The following CELF2 variants were observed in gnomAD, a reference collection of about 807,000 sequenced individuals.
The protein encoded by CELF2 is CUGBP Elav-like family member 2.
CELF2 carries 8 observed loss-of-function variants against 62.6 expected under a neutral mutation model. The ratio of observed to expected loss-of-function variants is 0.13; its 90% CI spans 0.07 to 0.23. The LOEUF (loss-of-function observed/expected upper bound fraction) is 0.23, where lower values mean the gene tolerates loss of function less well. Among genes scored for constraint, CELF2 ranks in the 10% least tolerant of loss-of-function variants. CELF2 has a pLI of 1.00. For synonymous variants in CELF2, 258 were observed against 250.0 expected, an observed-to-expected ratio of 1.03 and a Z score of -0.30; for missense variants, 333 against 671.0, an observed-to-expected ratio of 0.50 and a Z score of 5.56.
At chr10:10,760,062 G>A in the CELF2 span, among the ~76,000 whole-genome samples, 3 of 152,002 alleles carry the variant, frequency 2.0e-5, no homozygotes, top group East Asian at 1.9e-4. Flanking sequence ...GTGCCATCAC[G>A]CCTGGCTAAT....
chr10:10,949,384 G>A (rs747707076), intron 2 of CELF2, among the ~76,000 whole-genome samples: 55 of 152,258 alleles, frequency 3.6e-4, no homozygotes, highest in Non-Finnish European at 6.2e-4. Context: ...CGTCACCACT[G>A]TGGATAAGAG....
At chr10:10,862,715 C>T (rs2060117961) in intron 1 of CELF2, among the ~76,000 whole-genome samples, 1 of 152,186 alleles carries the variant, frequency 6.6e-6, no homozygotes, top group Admixed American at 6.5e-5. Context: ...TTAAAATCAA[C>T]ATACCATGTA....
At chr10:11,114,580 A>T (rs893328734) in intron 1 of CELF2, among the ~76,000 whole-genome samples, 1 of 152,252 alleles carries the variant, frequency 6.6e-6, no homozygotes, top group Non-Finnish European at 1.5e-5. Flanking sequence ...TGGAATATCA[A>T]TGCAGTCAAA....
At chr10:10,944,554 A>G (rs2047434412) in intron 2 of CELF2, among the ~76,000 whole-genome samples, 1 of 152,174 alleles carries the variant, frequency 6.6e-6, no homozygotes, top group Non-Finnish European at 1.5e-5. Context: ...GTCCCCTCAC[A>G]AGAATGGTAG....
intron 1 of CELF2, among the ~76,000 whole-genome samples, chr10:11,147,960 G>C (rs996752230): frequency 6.6e-6 from 1 of 152,222 alleles, no homozygotes; most frequent in Admixed American, 6.5e-5. Context: ...CTCTCCCTCA[G>C]ACGGCCACAG....
At chr10:11,190,589 G>A (rs2076056046) in intron 2 of CELF2, among the ~76,000 whole-genome samples, 2 of 151,216 alleles carry the variant, frequency 1.3e-5, no homozygotes, top group Non-Finnish European at 2.9e-5. Context: ...CTCCCAGTAG[G>A]AAAGATTCTC....
chr10:10,675,970 G>A, the CELF2 span, among the ~76,000 whole-genome samples: 80 of 152,246 alleles, frequency 5.3e-4, no homozygotes, highest in Admixed American at 3.7e-3. Context: ...AATGCTTGCT[G>A]TATCTCTTCA....
intron 1 of CELF2, among the ~76,000 whole-genome samples, chr10:11,127,115 G>T (rs1256752390): frequency 1.3e-5 from 2 of 151,980 alleles, no homozygotes; most frequent in African/African-American, 4.8e-5. Context: ...TCATTGTTCA[G>T]TTCCCACCTA....
intron 2 of CELF2, among the ~76,000 whole-genome samples, chr10:11,208,168 C>A (rs1376220077): frequency 6.6e-6 from 1 of 152,016 alleles, no homozygotes; most frequent in African/African-American, 2.4e-5. Flanking sequence ...CTGGTGTTTT[C>A]CCATCTGTAA....
intron 1 of CELF2, among the ~76,000 whole-genome samples, chr10:11,126,828 A>T (rs2058777809): frequency 6.6e-6 from 1 of 151,234 alleles, no homozygotes. Context: ...GCCCCTGGGG[A>T]TATAGTTGCT....
At chr10:10,474,795 T>C in the CELF2 span, among the ~76,000 whole-genome samples, 2 of 152,104 alleles carry the variant, frequency 1.3e-5, no homozygotes, top group Non-Finnish European at 2.9e-5. Flanking sequence ...GAAAGTAGAC[T>C]GTACTCTCTC....
chr10:11,335,520 G>T lies in CELF2; in HGVS notation c.*6467G>T, dbSNP rs1311619339. The T allele has an allele frequency of 2.0e-5, 3 of 152,274 alleles. No individual in the cohort carries two copies. The highest frequency in any genetic ancestry group is 6.5e-5 in the Admixed American group (1 of 15,284). 9.4% of individuals were successfully genotyped at this position (152,274 alleles called of 1,614,324 possible). On this transcript the variant is annotated 3_prime_UTR_variant, in exon 13 of 13. Coordinates refer to ENST00000633077, the MANE Select transcript of CELF2 (RefSeq NM_001326342.2). The surrounding 1 kb of genome is among the most constrained non-coding windows in gnomAD (Gnocchi z 5.0). ...GAGGGGCCTGGCGAGGTGGAGGAAG[G>T]GAGGCTCCCTCCCCGGGGCTGGCCG...
chr10:11,086,051 T>C lies in CELF2; in HGVS notation c.74+67888T>C, dbSNP rs1028146247. ...CTTCATAAATGTTAGCTATTGTTAT[T>C]GCCAAATAACAATTTGCAATCAAAA... On this transcript the variant is annotated intron_variant, in intron 1 of 12. Coordinates refer to ENST00000633077, the MANE Select transcript of CELF2 (RefSeq NM_001326342.2). Among the ~76,000 whole-genome samples, 16 of 152,332 alleles carry C rather than the reference T, an allele frequency of 1.1e-4. No homozygotes were observed. The East Asian group carries it at 3.1e-3, about 29-fold the overall frequency.
At chr10:10,701,514 A>C in the CELF2 span, among the ~76,000 whole-genome samples, 21 of 152,290 alleles carry the variant, frequency 1.4e-4, 1 homozygote, top group South Asian at 1.9e-3. Flanking sequence ...ACAGCGTCCA[A>C]ATTAGTATGC....
At chr10:11,275,253 G>A in intron 8 of CELF2, 133 bp downstream of exon 8, 3 of 972,160 alleles carry the variant, frequency 3.1e-6, no homozygotes, top group Non-Finnish European at 3.2e-6. Flanking sequence ...TCTGTCTTTG[G>A]TGTTAACGTT....
At chr10:11,127,508 C>A (rs182572301) in intron 1 of CELF2, among the ~76,000 whole-genome samples, 143 of 152,332 alleles carry the variant, frequency 9.4e-4, no homozygotes, top group African/African-American at 3.2e-3. Context: ...ACACTCCTGC[C>A]AATAGTGTAA....
chr10:10,521,628 A>G, the CELF2 span, among the ~76,000 whole-genome samples: 1 of 152,154 alleles, frequency 6.6e-6, no homozygotes, highest in Non-Finnish European at 1.5e-5. Context: ...ATCTTCATGT[A>G]ACTCGTCTGA....
At chr10:11,190,082 A>T (rs986103739) in intron 2 of CELF2, among the ~76,000 whole-genome samples, 16 of 152,204 alleles carry the variant, frequency 1.1e-4, no homozygotes, top group African/African-American at 3.4e-4. Flanking sequence ...TCCTGTAAAG[A>T]TTTATGTGCA....
At chr10:10,929,505 A>G (rs906265929) in intron 2 of CELF2, 5 of 152,230 alleles carry the variant, frequency 3.3e-5, no homozygotes, top group African/African-American at 1.2e-4. Flanking sequence ...AAGATACCAT[A>G]TTACATTATA....
Sources: allele counts gnomAD v4.1 joint callset (sites outside exome capture counted in the v4.1 genomes callset), GRCh38; gene constraint gnomAD v4.1.1; non-coding constraint Gnocchi (gnomAD v3.1); transcripts MANE v1.5; gene names NCBI Gene and HGNC (gene_info 2026-07-23, HGNC 2026-07-21).